The following CFAP91 variants were observed in gnomAD, a reference collection of about 807,000 sequenced individuals.
The protein encoded by CFAP91 is cilia- and flagella-associated protein 91.
Under a neutral mutation model 95.9 loss-of-function variants are expected in CFAP91, and 85 were observed. The observed-to-expected ratio is 0.89, with a 90% CI of 0.74 to 1.06. The LOEUF (loss-of-function observed/expected upper bound fraction) is 1.06, where lower values mean the gene tolerates loss of function less well. Ranked by LOEUF, CFAP91 falls within the 50% of genes least tolerant of loss-of-function variation. CFAP91 has a pLI of 0.00. For synonymous variants in CFAP91, 335 were observed against 327.5 expected, an observed-to-expected ratio of 1.02 and a Z score of -0.25; for missense variants, 962 against 943.4, an observed-to-expected ratio of 1.02 and a Z score of -0.26.
In CFAP91 at chr3:119,706,866, C is replaced by T. The variant is rs1258281846; in HGVS notation, c.182C>T (p.Thr61Ile). 1.2e-6 allele frequency: 2 copies of T among 1,612,666 alleles called. No homozygotes were observed. Among genetic ancestry groups the T allele is most frequent in the East Asian group, 2.2e-5 (1 of 44,848 alleles). ...KDHTQANIQATLIRSRLRKVP... is the reference protein window; with the variant it reads ...KDHTQANIQAILIRSRLRKVP... ...CATACACAGGCAAATATCCAAGCTACCCTGATTCGCAGCAGACTGGTATGT... is the reference window on the plus strand; with the variant it reads ...CATACACAGGCAAATATCCAAGCTATCCTGATTCGCAGCAGACTGGTATGT... The change falls in exon 2 of 18, where the codon ACC (threonine) becomes ATC (isoleucine). Residue 61 changes from threonine (T) to isoleucine (I), a missense_variant. Coordinates refer to ENST00000273390, the MANE Select transcript of CFAP91 (RefSeq NM_033364.4).
chr3:119,753,736 T>C (rs998630114), intron 17 of CFAP91, among the ~76,000 whole-genome samples: 1 of 151,950 alleles, frequency 6.6e-6, no homozygotes, highest in East Asian at 1.9e-4. Context: ...AGTGGTGATT[T>C]GTGAGATTTT....
intron 12 of CFAP91, among the ~76,000 whole-genome samples, chr3:119,739,837 T>C (rs964539289): frequency 1.2e-4 from 18 of 152,224 alleles, no homozygotes; most frequent in Non-Finnish European, 2.2e-4. Flanking sequence ...CATTTTTTTT[T>C]CCTATCCATA....
chr3:119,743,197 G>A (rs988363737), intron 13 of CFAP91, among the ~76,000 whole-genome samples: 5 of 149,670 alleles, frequency 3.3e-5, no homozygotes. Context: ...GTGCAGTGGC[G>A]CCCTCTGCCT....
intron 6 of CFAP91, among the ~76,000 whole-genome samples, chr3:119,719,829 G>T (rs918464540): frequency 6.6e-6 from 1 of 152,190 alleles, no homozygotes; most frequent in African/African-American, 2.4e-5. Flanking sequence ...AAGGCTGGGC[G>T]TGGTGGCTCA....
rs747010915 is a variant in CFAP91 at position 119,732,459 on chromosome 3, A to G, written c.1184A>G (p.Tyr395Cys). The change falls in exon 9 of 18, where the codon TAT (tyrosine) becomes TGT (cysteine). Residue 395 changes from tyrosine to cysteine, a missense_variant. By Grantham distance (194) the Tyr-to-Cys change is radical. Transcript: ENST00000273390. The stretch of plus-strand genomic sequence containing the variant: ...GAGGACTTTGTAGTAAAAAACTACT[A>G]TCTCAACACCTATGAAGGTAAGCAA... ...NSEDFVVKNY[Y>C]LNTYEGLVEL... The G allele has an allele frequency of 3.7e-6, 6 of 1,604,078 alleles. No individual in the cohort carries two copies. The highest frequency in any genetic ancestry group is 1.7e-5 in the Admixed American group (1 of 58,010).
chr3:119,740,001 C>A (rs1411876244), intron 12 of CFAP91, among the ~76,000 whole-genome samples: 1 of 152,110 alleles, frequency 6.6e-6, no homozygotes, highest in Non-Finnish European at 1.5e-5. Flanking sequence ...TGATATAAAG[C>A]CCCAGTTAAT....
At chr3:119,705,003 T>C (rs1231105342) in intron 1 of CFAP91, among the ~76,000 whole-genome samples, 1 of 152,176 alleles carries the variant, frequency 6.6e-6, no homozygotes, top group Non-Finnish European at 1.5e-5. Context: ...TTAAGTACCC[T>C]CTGATATTTA....
intron 16 of CFAP91, chr3:119,750,695 T>C (rs1239420846): frequency 2.0e-6 from 1 of 507,706 alleles, no homozygotes; most frequent in African/African-American, 1.9e-5. Flanking sequence ...TTCCAGGTTT[T>C]AGAGTGCAGG....
intron 17 of CFAP91, among the ~76,000 whole-genome samples, chr3:119,760,193 A>G (rs1204444176): frequency 2.6e-5 from 4 of 152,044 alleles, no homozygotes; most frequent in South Asian, 2.1e-4. Flanking sequence ...ATGAAAAAAG[A>G]TACTCAATGC....
intron 3 of CFAP91, 74 bp from the exon 4 acceptor site, chr3:119,708,517 A>T (rs2053416177): frequency 2.9e-6 from 3 of 1,019,064 alleles, no homozygotes; most frequent in Non-Finnish European, 4.5e-6. Flanking sequence ...TACTCTATAC[A>T]CATAGAAATA....
chr3:119,749,599 C>G (rs925026895), intron 16 of CFAP91, among the ~76,000 whole-genome samples: 1 of 152,102 alleles, frequency 6.6e-6, no homozygotes, highest in Admixed American at 6.6e-5. Context: ...TGGAGGAAGA[C>G]TTGAGCTAAC....
intron 12 of CFAP91, 102 bp downstream of exon 12, chr3:119,739,428 G>C (rs2054074569): frequency 6.8e-6 from 7 of 1,025,490 alleles, no homozygotes; most frequent in Non-Finnish European, 1.1e-5. Context: ...TTTGCACCCT[G>C]CTATCCTATT....
intron 7 of CFAP91, among the ~76,000 whole-genome samples, chr3:119,728,013 A>AACGATG (rs571362949): frequency 2.7e-5 from 4 of 150,482 alleles, no homozygotes; most frequent in African/African-American, 9.8e-5. Context: ...TGATGATGAT[A>AACGATG]ATGATGATGA....
chr3:119,754,522 T>C (rs2107917660), intron 17 of CFAP91, among the ~76,000 whole-genome samples: 1 of 152,362 alleles, frequency 6.6e-6, no homozygotes, highest in Admixed American at 6.5e-5. Flanking sequence ...TATGGGATCA[T>C]ATGAGCAGAA....
At chr3:119,732,233 T>G in intron 8 of CFAP91, 61 bp from the exon 9 acceptor site, 1 of 1,337,024 alleles carries the variant, frequency 7.5e-7, no homozygotes, top group East Asian at 2.4e-5. Flanking sequence ...GGCTTACTCT[T>G]CTGCATTTGT....
Position 119,750,627 on chromosome 3 carries a change from G to A in CFAP91, c.2144-310G>A, listed in dbSNP as rs544664374. ...TGGTACAAACTCAAGTGCGGTAAGT[G>A]GTAAATCTGGGCTGATGTAGTCAGA... On this transcript the variant is annotated intron_variant, in intron 16 of 17. Coordinates refer to ENST00000273390, the MANE Select transcript of CFAP91 (RefSeq NM_033364.4). 4.1e-5 allele frequency: 15 copies of A among 367,514 alleles called. 1 individual carries two copies. In the South Asian group the frequency reaches 4.4e-4, roughly 11 times the overall value. The allele number at this position is 367,514 out of a possible 1,614,324, so 22.8% of individuals were successfully genotyped here.
At chr3:119,755,104 A>G (rs2054401054) in intron 17 of CFAP91, among the ~76,000 whole-genome samples, 1 of 152,202 alleles carries the variant, frequency 6.6e-6, no homozygotes, top group Non-Finnish European at 1.5e-5. Flanking sequence ...TAGCTGGAGA[A>G]TAATTTTGCC....
intron 6 of CFAP91, among the ~76,000 whole-genome samples, chr3:119,716,283 A>G (rs942812718): frequency 6.6e-6 from 1 of 152,252 alleles, no homozygotes; most frequent in African/African-American, 2.4e-5. Flanking sequence ...GGCCTATATT[A>G]TGTGAACCTA....
At chr3:119,739,796 C>G (rs1010115834) in intron 12 of CFAP91, among the ~76,000 whole-genome samples, 1 of 152,168 alleles carries the variant, frequency 6.6e-6, no homozygotes, top group African/African-American at 2.4e-5. Context: ...TATGCCCACA[C>G]TATTTATTCT....
Sources: allele counts gnomAD v4.1 joint callset (sites outside exome capture counted in the v4.1 genomes callset), GRCh38; gene constraint gnomAD v4.1.1; transcripts MANE v1.5; gene names NCBI Gene and HGNC (gene_info 2026-07-23, HGNC 2026-07-21).